Variants in DIAPH3 observed in about 807,000 individuals in gnomAD.
The protein encoded by DIAPH3 is protein diaphanous homolog 3.
In DIAPH3, 117 loss-of-function variants were observed where a neutral mutation model predicts 144.3. The observed-to-expected ratio is 0.81, with a 90% CI of 0.70 to 0.95. The LOEUF (loss-of-function observed/expected upper bound fraction) is 0.95. Ranked by LOEUF, DIAPH3 falls within the 40% of genes least tolerant of loss-of-function variation. The pLI is 0.00. For missense variants in DIAPH3, 1,421 were observed against 1,412.7 expected (o/e 1.01, Z -0.09); for synonymous variants, 519 against 488.9 (o/e 1.06, Z -0.81).
At chr13:59,794,149 G>C (rs1566317921) in intron 25 of DIAPH3, among the ~76,000 whole-genome samples, 1 of 152,154 alleles carries the variant, frequency 6.6e-6, no homozygotes, top group Non-Finnish European at 1.5e-5. Context: ...TTTTAGGTAG[G>C]CTAGGCTAAG....
Position 59,687,738 on chromosome 13 carries a change from A to T in DIAPH3, c.3320-20892T>A, listed in dbSNP as rs555779906. On this transcript the variant is annotated intron_variant, in intron 27 of 27. Coordinates refer to ENST00000400324, the MANE Select transcript of DIAPH3 (RefSeq NM_001042517.2). Reference sequence around the variant, plus strand: ...TCAGAGAGACAATGAACCACAATGTAGTGTAACATAAGGATGATTATTCGA... The same window carrying T: ...TCAGAGAGACAATGAACCACAATGTTGTGTAACATAAGGATGATTATTCGA... Among the ~76,000 whole-genome samples the T allele has an allele frequency of 2.0e-4, 31 of 152,248 alleles. No individual in the cohort carries two copies. In the South Asian group the frequency reaches 6.0e-3, roughly 29 times the overall value.
At chr13:59,884,565 A>G (rs2045311338) in intron 20 of DIAPH3, among the ~76,000 whole-genome samples, 1 of 152,188 alleles carries the variant, frequency 6.6e-6, no homozygotes, top group African/African-American at 2.4e-5. Context: ...AAGAATGTGA[A>G]AAAACAAATG....
chr13:59,710,134 T>C (rs888794059), intron 27 of DIAPH3, among the ~76,000 whole-genome samples: 2 of 151,942 alleles, frequency 1.3e-5, no homozygotes, highest in Non-Finnish European at 2.9e-5. Flanking sequence ...TTGGGAGATA[T>C]ACCTAATGCT....
At chr13:59,888,070 C>A (rs2045562734) in intron 20 of DIAPH3, among the ~76,000 whole-genome samples, 1 of 151,994 alleles carries the variant, frequency 6.6e-6, no homozygotes, top group Admixed American at 6.6e-5. Context: ...GTCCTTTCTG[C>A]CTTTTTCCCC....
At chr13:59,689,703 G>T (rs909361080) in intron 27 of DIAPH3, among the ~76,000 whole-genome samples, 12 of 151,882 alleles carry the variant, frequency 7.9e-5, no homozygotes, top group African/African-American at 2.9e-4. Flanking sequence ...ATTGGTTTTA[G>T]GGTGGAAAGA....
chr13:59,879,722 T>A (rs1472584623), intron 20 of DIAPH3, among the ~76,000 whole-genome samples: 1 of 152,152 alleles, frequency 6.6e-6, no homozygotes, highest in East Asian at 1.9e-4. Context: ...AATGTTTAAT[T>A]AAGCAATAAA....
In DIAPH3 at chr13:60,025,868, CA is replaced by C. The variant is rs1658803334; in HGVS notation, c.627-9724del. On this transcript the variant is annotated intron_variant, in intron 5 of 27. Coordinates refer to ENST00000400324, the MANE Select transcript of DIAPH3 (RefSeq NM_001042517.2). ...CCATAAACACTATTACAAAAATAAA[CA>C]GAGAATATTAGAGGAGCAATGAAGA... Among the ~76,000 whole-genome samples, 6 of 151,844 alleles carry C rather than the reference CA, an allele frequency of 4.0e-5. No individual in the cohort carries two copies. In the South Asian group the frequency reaches 1.3e-3, roughly 32 times the overall value.
intron 25 of DIAPH3, among the ~76,000 whole-genome samples, chr13:59,781,297 C>T (rs1011584961): frequency 1.3e-5 from 2 of 152,056 alleles, no homozygotes; most frequent in Non-Finnish European, 2.9e-5. Flanking sequence ...AAATTATTTC[C>T]AGTGAAGAAA....
intron 27 of DIAPH3, chr13:59,695,896 G>A (rs1002723728): frequency 6.6e-6 from 1 of 151,960 alleles, no homozygotes; most frequent in African/African-American, 2.4e-5. Context: ...ATATAAAAGA[G>A]GTCTTTAAAA....
chr13:59,993,780 A>C (rs986617657), intron 9 of DIAPH3, among the ~76,000 whole-genome samples: 7 of 150,276 alleles, frequency 4.7e-5, no homozygotes, highest in African/African-American at 1.2e-4. Flanking sequence ...GTTCATGTCA[A>C]AAAGTCAAGT....
chr13:59,971,219 T>G (rs1011895054), intron 15 of DIAPH3, 59 bp from the exon 16 acceptor site: 5 of 1,481,210 alleles, frequency 3.4e-6, no homozygotes, highest in Non-Finnish European at 4.6e-6. Context: ...CATGTAAATA[T>G]GCACTTTACT....
intron 17 of DIAPH3, among the ~76,000 whole-genome samples, chr13:59,966,064 A>C (rs1022210426): frequency 6.6e-6 from 1 of 152,184 alleles, no homozygotes; most frequent in African/African-American, 2.4e-5. Context: ...AAGAAAACTG[A>C]AGTGAGCTAC....
chr13:60,060,503 A>C (rs534199581), intron 4 of DIAPH3, among the ~76,000 whole-genome samples: 2 of 152,238 alleles, frequency 1.3e-5, no homozygotes, highest in East Asian at 3.9e-4. Context: ...AGAAGAAAGT[A>C]CTCACCCATA....
intron 27 of DIAPH3, among the ~76,000 whole-genome samples, chr13:59,736,897 G>A (rs369958284): frequency 6.6e-6 from 1 of 152,128 alleles, no homozygotes; most frequent in African/African-American, 2.4e-5. Context: ...AACAAGCAAC[G>A]GGAAAAGAAT....
chr13:59,798,233 C>T (rs1460102435), intron 25 of DIAPH3, among the ~76,000 whole-genome samples: 1 of 152,192 alleles, frequency 6.6e-6, no homozygotes, highest in Non-Finnish European at 1.5e-5. Flanking sequence ...TCTCATTCCT[C>T]CTAGTCCCAA....
Position 60,088,775 on chromosome 13 carries a change from C to A in DIAPH3, c.495+4853G>T, listed in dbSNP as rs187501045. ...TAGCTGGGATTACAGGCCTGTGCCACTACACCCAGCTAATTTTTGTATTTT... is the reference window on the plus strand; with the variant it reads ...TAGCTGGGATTACAGGCCTGTGCCAATACACCCAGCTAATTTTTGTATTTT... On this transcript the variant is annotated intron_variant, in intron 4 of 27. Transcript: ENST00000400324. Among the ~76,000 whole-genome samples, 61 of 152,246 alleles carry A rather than the reference C, an allele frequency of 4.0e-4. No individual in the cohort carries two copies. The Middle Eastern group carries it at 0.014, about 34-fold the overall frequency.
At chr13:59,990,200 G>C (rs892161256) in intron 12 of DIAPH3, among the ~76,000 whole-genome samples, 22 of 151,720 alleles carry the variant, frequency 1.5e-4, no homozygotes, top group African/African-American at 5.1e-4. Context: ...TACAAAGAGA[G>C]TAATTTTGAT....
At chr13:60,045,554 A>C (rs1379269370) in intron 4 of DIAPH3, among the ~76,000 whole-genome samples, 2 of 152,142 alleles carry the variant, frequency 1.3e-5, no homozygotes, top group African/African-American at 4.8e-5. Context: ...CTGCCTACAG[A>C]CTATTGCATT....
intron 25 of DIAPH3, among the ~76,000 whole-genome samples, chr13:59,795,223 C>T (rs893718401): frequency 6.6e-6 from 1 of 151,758 alleles, no homozygotes; most frequent in Non-Finnish European, 1.5e-5. Flanking sequence ...AAAGTGACTT[C>T]ATGGTGCTCT....
Sources: allele counts gnomAD v4.1 joint callset (sites outside exome capture counted in the v4.1 genomes callset), GRCh38; gene constraint gnomAD v4.1.1; transcripts MANE v1.5; gene names NCBI Gene and HGNC (gene_info 2026-07-23, HGNC 2026-07-21).